The following KNDC1 variants were observed in gnomAD, a reference collection of about 807,000 sequenced individuals.
KNDC1 encodes the protein kinase non-catalytic C-lobe domain-containing protein 1.
In KNDC1, 106 loss-of-function variants were observed where a neutral mutation model predicts 172.8. The observed-to-expected ratio is 0.61, with a 90% confidence interval of 0.52 to 0.72. KNDC1 has a LOEUF of 0.72. KNDC1 is among the 30% of genes least tolerant of loss of function. The pLI is 0.00. For missense variants in KNDC1, 2,325 were observed against 2,394.5 expected (o/e 0.97, Z 0.61); for synonymous variants, 1,083 against 1,062.2 (o/e 1.02, Z -0.38).
intron 6 of KNDC1, among the ~76,000 whole-genome samples, chr10:133,187,780 A>G (rs545134890): frequency 7.3e-4 from 111 of 152,270 alleles, no homozygotes; most frequent in South Asian, 1.5e-3. Context: ...GCACCGAACA[A>G]AAGCCACCAC....
intron 9 of KNDC1, among the ~76,000 whole-genome samples, chr10:133,195,260 C>T (rs893529885): frequency 9.9e-5 from 15 of 152,178 alleles, no homozygotes; most frequent in African/African-American, 3.6e-4. Flanking sequence ...TGTAGCAGCA[C>T]GGCACCAGTC....
In KNDC1 at chr10:133,224,221, TG is replaced by T. The variant is rs1419326878; in HGVS notation, c.5019-436del. ...GGCCAGCTTTCTCCATTATATTCTA[TG>T]GTGTGCTGGTCACTGTCAACCAGCT... is the stretch of plus-strand genomic sequence containing the variant. On this transcript the variant is annotated intron_variant, in intron 29 of 29. Coordinates refer to ENST00000304613, the MANE Select transcript of KNDC1 (RefSeq NM_152643.8). The surrounding 1 kb of genome is among the most constrained non-coding windows in gnomAD (Gnocchi z 5.4). Among the ~76,000 whole-genome samples the T allele has an allele frequency of 1.3e-5, 2 of 152,220 alleles. No individual in the cohort carries two copies. The highest frequency in any genetic ancestry group is 4.8e-5 in the African/African-American group (2 of 41,460).
Position 133,186,582 on chromosome 10 carries a change from C to T in KNDC1, c.1234C>T (p.Pro412Ser). 7.5e-6 allele frequency: 12 copies of T among 1,606,752 alleles called. No homozygotes were observed. Among genetic ancestry groups the T allele is most frequent in the Non-Finnish European group, 1.0e-5 (12 of 1,179,882 alleles). The change falls in exon 6 of 30, where the codon CCT (proline) becomes TCT (serine). Residue 412 changes from proline to serine, a missense_variant. Physicochemically the swap from Pro to Ser is moderately conservative, Grantham distance 74. Coordinates refer to ENST00000304613, the MANE Select transcript of KNDC1 (RefSeq NM_152643.8). The part of the protein sequence containing the change: ...SQGPAEAPAD[P>S]RDASGEAQTP... ...GGGGCCAGCAGAGGCCCCTGCAGAC[C>T]CTCGAGATGCTAGCGGTGAAGCCCA...
rs560172647 is a variant in KNDC1 at position 133,218,730 on chromosome 10, G to A, written c.4678-101G>A. ...TTTCCACACACGTGATGCAGCACAC[G>A]CTCTTGTGTCTTGGAGCTGGGTGAT... On this transcript the variant is annotated intron_variant, in intron 26 of 29. Coordinates refer to ENST00000304613, the MANE Select transcript of KNDC1 (RefSeq NM_152643.8). 360 of 1,421,804 alleles carry A rather than the reference G, an allele frequency of 2.5e-4. 1 individual carries two copies. The African/African-American group carries it at 4.6e-3, about 18-fold the overall frequency. 88.1% of individuals were successfully genotyped at this position (1,421,804 alleles called of 1,614,324 possible). A position where few individuals can be genotyped will look rare whatever the true frequency, so the allele number is the denominator to read the frequency against.
chr10:133,215,314 C>A (rs576292601), intron 26 of KNDC1, among the ~76,000 whole-genome samples: 1 of 152,224 alleles, frequency 6.6e-6, no homozygotes, highest in African/African-American at 2.4e-5. Flanking sequence ...CCCTGCCAGG[C>A]GGCAAAGCCA....
Position 133,210,645 on chromosome 10 carries a change from C to T in KNDC1, c.3829C>T (p.Leu1277Phe), listed in dbSNP as rs1349007637. 3 of 1,614,004 alleles carry T rather than the reference C, an allele frequency of 1.9e-6. No homozygotes were observed. Among genetic ancestry groups the T allele is most frequent in the Non-Finnish European group, 2.5e-6 (3 of 1,179,922 alleles). The change falls in exon 21 of 30, where the codon CTC becomes TTC. Residue 1277 changes from leucine (L) to phenylalanine (F), a missense_variant. Physicochemically the swap from Leu to Phe is conservative, Grantham distance 22. Coordinates refer to ENST00000304613, the MANE Select transcript of KNDC1 (RefSeq NM_152643.8). ...AFLEGYVQQF[L>F]YTFRYFCTPH... ...CCTGGAGGGTTATGTGCAGCAATTC[C>T]TCTACACCTTCCGCTACTTCTGCAC... is the stretch of plus-strand genomic sequence containing the variant.
chr10:133,219,169 G>A (rs1845530008), intron 28 of KNDC1, 79 bp downstream of exon 28: 15 of 1,486,582 alleles, frequency 1.0e-5, no homozygotes, highest in Admixed American at 1.9e-5. Context: ...AGAGCCTGCC[G>A]CACCCAGACG....
At position 133,163,058 on chromosome 10, in the gene KNDC1, C is replaced by T. The variant is rs1177582346; in HGVS notation, c.102+2489C>T. Among the ~76,000 whole-genome samples the T allele has an allele frequency of 6.6e-6, 1 of 152,038 alleles. No individual in the cohort carries two copies. Among genetic ancestry groups the T allele is most frequent in the East Asian group, 1.9e-4 (1 of 5,192 alleles). ...CCTGGAGGTGTCCTGCCCGGGATTC[C>T]CATGAGATTTCAGTCACTGTGGATG... On this transcript the variant is annotated intron_variant, in intron 1 of 29. Transcript: ENST00000304613. The surrounding 1 kb of genome is among the most constrained non-coding windows in gnomAD (Gnocchi z 4.4).
At chr10:133,183,317 G>A in intron 3 of KNDC1, 27 bp from the exon 4 acceptor site, 2 of 1,572,962 alleles carry the variant, frequency 1.3e-6, no homozygotes, top group Non-Finnish European at 1.7e-6. Context: ...CAGAGACTCT[G>A]GAGCTGACAG....
chr10:133,168,110 T>C (rs1853238124), intron 2 of KNDC1, 144 bp from the exon 3 acceptor site: 2 of 742,566 alleles, frequency 2.7e-6, no homozygotes, highest in East Asian at 2.5e-5. Context: ...ATTTCCCTTT[T>C]TCATGGCCTA....
intron 26 of KNDC1, among the ~76,000 whole-genome samples, chr10:133,215,514 T>A (rs1186870108): frequency 6.6e-6 from 1 of 152,254 alleles, no homozygotes; most frequent in Non-Finnish European, 1.5e-5. Flanking sequence ...CCTGGTTGCC[T>A]CTTTCCTCAG....
In KNDC1 at chr10:133,215,969, G is replaced by A. The variant is rs375492846; in HGVS notation, c.4677+1847G>A. 2.0e-4 allele frequency among the ~76,000 whole-genome samples: 30 copies of A among 152,348 alleles called. No homozygotes were observed. In the East Asian group the frequency reaches 4.8e-3, roughly 24 times the overall value. On this transcript the variant is annotated intron_variant, in intron 26 of 29. Coordinates refer to ENST00000304613, the MANE Select transcript of KNDC1 (RefSeq NM_152643.8). Reference sequence around the variant, plus strand: ...CTCCTCACGGGAGCGGACGGACCTCGCCGGAGACCCACTTCTAAAAGCACC... The same window carrying A: ...CTCCTCACGGGAGCGGACGGACCTCACCGGAGACCCACTTCTAAAAGCACC...
intron 3 of KNDC1, among the ~76,000 whole-genome samples, chr10:133,180,834 A>G (rs917128693): frequency 6.6e-6 from 1 of 152,262 alleles, no homozygotes; most frequent in African/African-American, 2.4e-5. Flanking sequence ...CTGCGAGTAG[A>G]TACGAACAGA....
In KNDC1 at chr10:133,165,505, G is replaced by A. The variant is rs116736420; in HGVS notation, c.103-1876G>A. Among the ~76,000 whole-genome samples, 397 of 152,296 alleles carry A rather than the reference G, an allele frequency of 2.6e-3. 2 individuals carry two copies. The highest frequency in any genetic ancestry group is 8.9e-3 in the African/African-American group (368 of 41,560). On this transcript the variant is annotated intron_variant, in intron 1 of 29. Coordinates refer to ENST00000304613, the MANE Select transcript of KNDC1 (RefSeq NM_152643.8). ...GGGGGACGGGGACCGGCTGAGACGCGCCTCATGCTGACTCCCTTCCTCCTA... is the reference window on the plus strand; with the variant it reads ...GGGGGACGGGGACCGGCTGAGACGCACCTCATGCTGACTCCCTTCCTCCTA...
chr10:133,161,052 G>C (rs61862757), intron 1 of KNDC1, among the ~76,000 whole-genome samples: 51,555 of 151,532 alleles, frequency 0.34, 8,867 homozygotes, highest in East Asian at 0.47. Flanking sequence ...CTGGTTTTCC[G>C]GGCCTTCACC....
chr10:133,218,987 GT>G, intron 27 of KNDC1, 34 bp downstream of exon 27: 1 of 1,613,700 alleles, frequency 6.2e-7, no homozygotes. Context: ...GCGGGGGTGG[GT>G]ACCCGCACGG....
chr10:133,176,132 G>A (rs1326156957), intron 3 of KNDC1, among the ~76,000 whole-genome samples: 1 of 151,746 alleles, frequency 6.6e-6, no homozygotes, highest in East Asian at 1.9e-4. Context: ...ACAGGCAGAT[G>A]TATGGGTGGA....
In KNDC1 at chr10:133,213,687, C is replaced by A; in HGVS notation, c.4486C>A (p.Arg1496=). The A allele has an allele frequency of 1.2e-6, 2 of 1,614,034 alleles. No individual in the cohort carries two copies. Among genetic ancestry groups the A allele is most frequent in the Non-Finnish European group, 1.7e-6 (2 of 1,179,944 alleles). ...CCACCCGGTCCACTTCCTGAACTCA[C>A]GGGCCCTGGGCGTCATGGACAAGAG... ...KCHPVHFLNS[R]ALGVMDKSTA... is the part of the protein sequence containing the mutation. Residue 1496 remains arginine, a synonymous_variant, in exon 25 of 30, where the codon CGG becomes AGG. Coordinates refer to ENST00000304613, the MANE Select transcript of KNDC1 (RefSeq NM_152643.8).
At chr10:133,187,713 T>C (rs56362621) in intron 6 of KNDC1, among the ~76,000 whole-genome samples, 60,143 of 151,926 alleles carry the variant, frequency 0.4, 13,625 homozygotes, top group South Asian at 0.67. Context: ...GAGTGGAGAG[T>C]GGCCTCCCAG....
Sources: allele counts gnomAD v4.1 joint callset (sites outside exome capture counted in the v4.1 genomes callset), GRCh38; gene constraint gnomAD v4.1.1; non-coding constraint Gnocchi (gnomAD v3.1); transcripts MANE v1.5; gene names NCBI Gene and HGNC (gene_info 2026-07-23, HGNC 2026-07-21).